CFAP299: variants seen among roughly 807,000 people sequenced by gnomAD.
The protein encoded by CFAP299 is cilia- and flagella-associated protein 299.
In CFAP299, 21 loss-of-function variants were observed where a neutral mutation model predicts 27.0. The observed-to-expected ratio is 0.78, with a 90% CI of 0.55 to 1.12. The LOEUF is 1.12. Among genes scored for constraint, CFAP299 ranks in the 50% most tolerant of loss-of-function variants. The pLI is 0.00. For missense variants in CFAP299, 310 were observed against 276.6 expected, an observed-to-expected ratio of 1.12 and a Z score of -0.86; for synonymous variants, 104 against 98.1, an observed-to-expected ratio of 1.06 and a Z score of -0.36.
intron 3 of CFAP299, among the ~76,000 whole-genome samples, chr4:80,820,649 C>T (rs1366944699): frequency 6.6e-6 from 1 of 152,018 alleles, no homozygotes; most frequent in African/African-American, 2.4e-5. Context: ...TGGTCTGACT[C>T]GTGTTTTAAA....
At chr4:80,565,524 T>C (rs943568554) in intron 2 of CFAP299, among the ~76,000 whole-genome samples, 4 of 152,110 alleles carry the variant, frequency 2.6e-5, no homozygotes, top group Admixed American at 2.6e-4. Context: ...GCTAAACTTC[T>C]GTAAATCTTA....
intron 2 of CFAP299, among the ~76,000 whole-genome samples, chr4:80,444,864 G>A (rs1728539306): frequency 6.6e-6 from 1 of 152,114 alleles, no homozygotes; most frequent in African/African-American, 2.4e-5. Context: ...AGTGGGTGAA[G>A]GATATAAACA....
intron 2 of CFAP299, among the ~76,000 whole-genome samples, chr4:80,573,992 A>G (rs1735722964): frequency 6.6e-6 from 1 of 151,914 alleles, no homozygotes; most frequent in African/African-American, 2.4e-5. Context: ...TATTTCTGTG[A>G]AGAATGTCAT....
At chr4:80,952,246 A>C (rs1244465424) in intron 5 of CFAP299, among the ~76,000 whole-genome samples, 1 of 152,210 alleles carries the variant, frequency 6.6e-6, no homozygotes, top group Non-Finnish European at 1.5e-5. Context: ...AATAAATTGA[A>C]ATATTAAATA....
intron 3 of CFAP299, among the ~76,000 whole-genome samples, chr4:80,616,615 C>T (rs1471471296): frequency 2.6e-5 from 4 of 152,026 alleles, no homozygotes; most frequent in African/African-American, 9.6e-5. Flanking sequence ...AGACAATGCT[C>T]GTCTCACTTC....
chr4:80,636,562 G>A (rs755442793), intron 3 of CFAP299, among the ~76,000 whole-genome samples: 5 of 152,082 alleles, frequency 3.3e-5, no homozygotes, highest in Admixed American at 6.6e-5. Flanking sequence ...TATAAATGAC[G>A]ATGCTCAGAT....
chr4:80,583,147 A>G lies in CFAP299; in HGVS notation c.297A>G (p.Ala99=), dbSNP rs759979773. ...AAGATAATTTTCTGACGGCCCTGGCAATGAGAGAAGAAGACAATCGCAGTG... is the reference window on the plus strand; with the variant it reads ...AAGATAATTTTCTGACGGCCCTGGCGATGAGAGAAGAAGACAATCGCAGTG... ...DLQDNFLTAL[A]MREEDNRSGK... The change falls in exon 3 of 6, where the codon GCA becomes GCG. Residue 99 remains alanine (A), a synonymous_variant. Transcript: ENST00000358105. The G allele has an allele frequency of 6.2e-7, 1 of 1,606,648 alleles. No homozygotes were observed. Among genetic ancestry groups the G allele is most frequent in the East Asian group, 2.2e-5 (1 of 44,638 alleles).
chr4:80,763,044 C>G (rs574434973), intron 3 of CFAP299, among the ~76,000 whole-genome samples: 2 of 152,284 alleles, frequency 1.3e-5, no homozygotes, highest in African/African-American at 4.8e-5. Flanking sequence ...TGTTTTCCAG[C>G]AAACTCAGTC....
intron 3 of CFAP299, among the ~76,000 whole-genome samples, chr4:80,586,461 G>T (rs1193017784): frequency 2.0e-5 from 3 of 151,290 alleles, no homozygotes; most frequent in African/African-American, 7.4e-5. Flanking sequence ...AAAGATTGTT[G>T]ATCAATGTAA....
intron 4 of CFAP299, among the ~76,000 whole-genome samples, chr4:80,877,203 T>C (rs1733425637): frequency 6.6e-6 from 1 of 152,182 alleles, no homozygotes; most frequent in African/African-American, 2.4e-5. Context: ...TTCAAAAAAA[T>C]TTTGTAATAT....
At chr4:80,823,192 G>C (rs1456085996) in intron 3 of CFAP299, among the ~76,000 whole-genome samples, 2 of 152,124 alleles carry the variant, frequency 1.3e-5, no homozygotes, top group African/African-American at 2.4e-5. Context: ...ACCTGGGAGA[G>C]AAAGAGGCTT....
At chr4:80,822,426 C>T (rs1005896296) in intron 3 of CFAP299, among the ~76,000 whole-genome samples, 1 of 152,010 alleles carries the variant, frequency 6.6e-6, no homozygotes, top group African/African-American at 2.4e-5. Flanking sequence ...ATAACATTCA[C>T]CATATGATGA....
intron 2 of CFAP299, chr4:80,386,160 A>G: frequency 3.4e-6 from 2 of 593,852 alleles, no homozygotes; most frequent in Non-Finnish European, 5.5e-6. Context: ...TTCCCAGGAA[A>G]CGAACACCCC....
At chr4:80,469,477 A>G (rs552345110) in intron 2 of CFAP299, among the ~76,000 whole-genome samples, 26 of 152,340 alleles carry the variant, frequency 1.7e-4, no homozygotes, top group Admixed American at 6.5e-4. Flanking sequence ...TGTAATTCAA[A>G]TGATATTTTG....
intron 2 of CFAP299, among the ~76,000 whole-genome samples, chr4:80,544,147 G>T (rs1196138067): frequency 6.6e-6 from 1 of 152,122 alleles, no homozygotes; most frequent in Non-Finnish European, 1.5e-5. Flanking sequence ...TTTCAGACAA[G>T]CAAATGCCAA....
chr4:80,944,898 A>G lies in CFAP299; in HGVS notation c.565A>G (p.Arg189Gly). Residue 189 changes from arginine (R) to glycine (G), a missense_variant, in exon 5 of 6, where the codon AGA (arginine) becomes GGA (glycine). By Grantham distance (125) the Arg-to-Gly change is moderately radical. Coordinates refer to ENST00000358105, the MANE Select transcript of CFAP299 (RefSeq NM_152770.3). The stretch of plus-strand genomic sequence containing the variant: ...CGATAATCCAGAAGGCTTACTTTTC[A>G]GATACAAAAGAGACAGAAAAATTCT... ...IADNPEGLLF[R>G]YKRDRKILNV... 2 of 1,613,038 alleles carry G rather than the reference A, an allele frequency of 1.2e-6. No individual in the cohort carries two copies. Among genetic ancestry groups the G allele is most frequent in the Non-Finnish European group, 1.7e-6 (2 of 1,179,288 alleles).
At chr4:80,568,203 T>A (rs555028252) in intron 2 of CFAP299, among the ~76,000 whole-genome samples, 1 of 152,032 alleles carries the variant, frequency 6.6e-6, no homozygotes, top group Non-Finnish European at 1.5e-5. Flanking sequence ...CTATTTTATA[T>A]ATGTGTATGC....
chr4:80,538,624 ATACT>A (rs1388447110), intron 2 of CFAP299, among the ~76,000 whole-genome samples: 1 of 150,470 alleles, frequency 6.6e-6, no homozygotes, highest in Non-Finnish European at 1.5e-5. Flanking sequence ...AAATACATAG[ATACT>A]TACCTTTGTG....
upstream of CFAP299, among the ~76,000 whole-genome samples, chr4:80,335,106 T>C (rs1156590179): frequency 1.3e-5 from 2 of 152,248 alleles, no homozygotes; most frequent in Non-Finnish European, 2.9e-5. Flanking sequence ...ATTTCACAGA[T>C]ATTTTATTCT....
Sources: gnomAD v4.1 joint callset for allele counts (sites outside exome capture counted in the v4.1 genomes callset) on GRCh38, gnomAD v4.1.1 for gene constraint, MANE v1.5 for transcripts, NCBI Gene and HGNC (gene_info 2026-07-23, HGNC 2026-07-21) for gene names.